Variants in FGL1 observed in about 807,000 individuals in gnomAD.
FGL1 encodes fibrinogen like 1.
In FGL1, 59 loss-of-function variants were observed where a neutral mutation model predicts 43.7. The observed-to-expected ratio is 1.35, with a 90% CI of 1.10 to 1.68. FGL1 has a LOEUF of 1.68. Among genes scored for constraint, FGL1 ranks in the 40% most tolerant of loss-of-function variants. FGL1 has a pLI of 0.00. For synonymous variants in FGL1, 192 were observed against 126.5 expected (o/e 1.52, Z -3.48); for missense variants, 596 against 373.0 (o/e 1.60, Z -4.92).
chr8:17,877,946 A>T (rs531118703), intron 3 of FGL1, among the ~76,000 whole-genome samples: 4 of 152,248 alleles, frequency 2.6e-5, no homozygotes, highest in African/African-American at 9.6e-5. Context: ...GATGTTAAAT[A>T]TATTAACTCA....
intron 3 of FGL1, among the ~76,000 whole-genome samples, chr8:17,879,034 T>TATATTTC (rs1440456310): frequency 2.6e-5 from 4 of 151,346 alleles, no homozygotes; most frequent in Admixed American, 6.6e-5. Flanking sequence ...GAACTGTGTT[T>TATATTTC]ATATTTTATT....
At chr8:17,879,682 C>T (rs1057194627) in intron 3 of FGL1, among the ~76,000 whole-genome samples, 7 of 151,640 alleles carry the variant, frequency 4.6e-5, no homozygotes, top group Admixed American at 2.0e-4. Context: ...GAAGCAGATG[C>T]TGCTATGCTT....
chr8:17,882,027 A>G lies in FGL1; in HGVS notation c.216T>C (p.Ile72=). ...CATACTGCCTCTTGCTTCCAAGATCAATGACAGTATTCTCATCTCCTTTAT... is the reference window on the plus strand; with the variant it reads ...CATACTGCCTCTTGCTTCCAAGATCGATGACAGTATTCTCATCTCCTTTAT... ...FLDKGDENTV[I]DLGSKRQYAD... is the part of the protein sequence containing the mutation. Residue 72 remains isoleucine, a synonymous_variant, in exon 3 of 8, where the codon ATT becomes ATC. Transcript: ENST00000427924. 6.2e-7 allele frequency: 1 copy of G among 1,613,992 alleles called. No individual in the cohort carries two copies. The highest frequency in any genetic ancestry group is 8.5e-7 in the Non-Finnish European group (1 of 1,179,946).
intron 3 of FGL1, among the ~76,000 whole-genome samples, chr8:17,876,537 T>A (rs1239113208): frequency 3.3e-5 from 5 of 152,352 alleles, no homozygotes; most frequent in African/African-American, 1.2e-4. Flanking sequence ...AAAAGGATCC[T>A]GTTTTGGCAA....
At chr8:17,888,200 G>C (rs890632665) in intron 1 of FGL1, among the ~76,000 whole-genome samples, 9 of 152,098 alleles carry the variant, frequency 5.9e-5, no homozygotes, top group Non-Finnish European at 1.2e-4. Context: ...GTGAAAAAGA[G>C]ACACCCTCTG....
At chr8:17,881,391 T>C (rs2053533403) in intron 3 of FGL1, among the ~76,000 whole-genome samples, 1 of 151,712 alleles carries the variant, frequency 6.6e-6, no homozygotes, top group Admixed American at 6.6e-5. Flanking sequence ...CACCTAGGCC[T>C]CCCAACGTGC....
intron 7 of FGL1, 112 bp from the exon 8 acceptor site, chr8:17,864,863 C>T: frequency 1.1e-6 from 1 of 887,180 alleles, no homozygotes; most frequent in Non-Finnish European, 1.5e-6. Flanking sequence ...TGAATTCTGC[C>T]ATTTTTCAGA....
intron 3 of FGL1, among the ~76,000 whole-genome samples, chr8:17,877,865 C>G (rs546167439): frequency 6.6e-6 from 1 of 152,186 alleles, no homozygotes; most frequent in African/African-American, 2.4e-5. Context: ...AGTAGGCTTT[C>G]TTCCTTGAAA....
chr8:17,871,228 C>G lies in FGL1; in HGVS notation c.503-2224G>C, dbSNP rs34810243. 6.6e-3 allele frequency among the ~76,000 whole-genome samples: 1,001 copies of G among 152,214 alleles called. 11 individuals carry two copies. Among genetic ancestry groups the G allele is most frequent in the African/African-American group, 0.023 (942 of 41,538 alleles). On this transcript the variant is annotated intron_variant, in intron 5 of 7. Transcript: ENST00000427924. ...CTATTACAGACGAGATGCGGTGGTTCATACCTGTAATTCAAGCACTTTGGG... is the reference window on the plus strand; with the variant it reads ...CTATTACAGACGAGATGCGGTGGTTGATACCTGTAATTCAAGCACTTTGGG...
chr8:17,890,399 C>A (rs1041606639), intron 1 of FGL1, among the ~76,000 whole-genome samples: 5 of 152,180 alleles, frequency 3.3e-5, no homozygotes, highest in African/African-American at 4.8e-5. Context: ...TTTGCCTGTT[C>A]TGGCTACATT....
intron 1 of FGL1, among the ~76,000 whole-genome samples, chr8:17,887,231 C>T (rs574036685): frequency 6.6e-6 from 1 of 152,096 alleles, no homozygotes; most frequent in Non-Finnish European, 1.5e-5. Context: ...AGAGCTTCAC[C>T]GAAAAGATCT....
At position 17,881,996 on chromosome 8, in the gene FGL1, G is replaced by C; in HGVS notation, c.244+3C>G. Reference sequence around the variant, plus strand: ...GAAACACTTAAGAAAAGTCCATTCTGACCTGCATACTGCCTCTTGCTTCCA... The same window carrying C: ...GAAACACTTAAGAAAAGTCCATTCTCACCTGCATACTGCCTCTTGCTTCCA... On this transcript the variant is annotated splice_donor_region_variant and intron_variant, in intron 3 of 7. Transcript: ENST00000427924. 1 of 1,613,148 alleles carries C rather than the reference G, an allele frequency of 6.2e-7. No individual in the cohort carries two copies. Among genetic ancestry groups the C allele is most frequent in the South Asian group, 1.1e-5 (1 of 90,842 alleles).
intron 1 of FGL1, among the ~76,000 whole-genome samples, chr8:17,886,481 G>A (rs2053629685): frequency 1.3e-5 from 2 of 152,074 alleles, no homozygotes; most frequent in Admixed American, 6.6e-5. Flanking sequence ...TGGGGGGCCT[G>A]GTGCGGTGGC....
At chr8:17,889,447 G>A (rs1387831095) in intron 1 of FGL1, among the ~76,000 whole-genome samples, 1 of 152,180 alleles carries the variant, frequency 6.6e-6, no homozygotes, top group Non-Finnish European at 1.5e-5. Context: ...CTACTCGGGA[G>A]GCTGAAGCAT....
intron 7 of FGL1, among the ~76,000 whole-genome samples, chr8:17,866,394 A>G (rs1267033077): frequency 1.3e-5 from 2 of 152,234 alleles, no homozygotes; most frequent in Non-Finnish European, 2.9e-5. Context: ...AAGTGCCAAC[A>G]TTTCATGTAA....
rs1442537921 is a variant in FGL1, at chr8:17,882,117, G to A, written c.126C>T (p.Thr42=). ...RLRAQVRLLE[T]RVKQQQVKIK... ...TCTTGACCTGTTGCTGTTTGACCCGGGTCTCAAGCAGGCGCACCTGGGCTC... is the reference window on the plus strand; with the variant it reads ...TCTTGACCTGTTGCTGTTTGACCCGAGTCTCAAGCAGGCGCACCTGGGCTC... The change falls in exon 3 of 8, where the codon ACC becomes ACT. Residue 42 remains threonine, a synonymous_variant. Transcript: ENST00000427924. 2 of 1,613,978 alleles carry A rather than the reference G, an allele frequency of 1.2e-6. No individual in the cohort carries two copies. The highest frequency in any genetic ancestry group is 1.7e-6 in the Non-Finnish European group (2 of 1,180,000).
At chr8:17,870,724 G>A (rs906909077) in intron 5 of FGL1, among the ~76,000 whole-genome samples, 17 of 152,230 alleles carry the variant, frequency 1.1e-4, no homozygotes, top group African/African-American at 2.6e-4. Context: ...TGGCCAACAT[G>A]GTGAAACCCT....
intron 5 of FGL1, among the ~76,000 whole-genome samples, chr8:17,870,895 ACT>A (rs2053348593): frequency 6.7e-6 from 1 of 150,280 alleles, no homozygotes; most frequent in Non-Finnish European, 1.5e-5. Flanking sequence ...ACAGAGTGAG[ACT>A]CTGTCTCAAA....
At chr8:17,892,983 T>C (rs1162750332) in intron 1 of FGL1, among the ~76,000 whole-genome samples, 1 of 152,170 alleles carries the variant, frequency 6.6e-6, no homozygotes, top group African/African-American at 2.4e-5. Context: ...GCAGATCACT[T>C]GGGTCAGGAG....
Sources: allele counts gnomAD v4.1 joint callset (sites outside exome capture counted in the v4.1 genomes callset), GRCh38; gene constraint gnomAD v4.1.1; transcripts MANE v1.5; gene names NCBI Gene and HGNC (gene_info 2026-07-23, HGNC 2026-07-21).